The following EIPR1 variants were observed in gnomAD, a reference collection of about 807,000 sequenced individuals.
EIPR1 encodes EARP and GARP complex-interacting protein 1.
In EIPR1, 25 loss-of-function variants were observed where a neutral mutation model predicts 48.1. The observed-to-expected ratio is 0.52, with a 90% CI of 0.38 to 0.73. EIPR1 has a LOEUF of 0.73. EIPR1 is among the 30% of genes least tolerant of loss of function. The probability of loss-of-function intolerance (pLI) is 0.00; values close to 1 mark genes in which losing one functional copy is unlikely to be tolerated. For synonymous variants in EIPR1, 204 were observed against 201.9 expected, an observed-to-expected ratio of 1.01 and a Z score of -0.09; for missense variants, 415 against 506.2, an observed-to-expected ratio of 0.82 and a Z score of 1.73.
rs1273895352 is a variant in EIPR1 at position 3,338,149 on chromosome 2, T to C, written c.127A>G (p.Ile43Val). ...GTQSLKYDNQ[I>V]HIIDFDDENN... ...TCATCGTCAAAATCTATGATATGGA[T>C]CTACAAATACAAGAAAAGAGCACAT... The change falls in exon 3 of 9, where the codon ATC becomes GTC. Residue 43 changes from isoleucine (I) to valine (V), a missense_variant and splice_region_variant. By Grantham distance (29) the Ile-to-Val change is conservative. Coordinates refer to ENST00000382125, the MANE Select transcript of EIPR1 (RefSeq NM_003310.5). 3 of 1,608,834 alleles carry C rather than the reference T, an allele frequency of 1.9e-6. No homozygotes were observed. The highest frequency in any genetic ancestry group is 2.5e-6 in the Non-Finnish European group (3 of 1,178,942).
chr2:3,237,069 G>A lies in EIPR1; in HGVS notation c.416+20230C>T, dbSNP rs376203804. ...CACAGCTCCTCACAAGGCACACAAA[G>A]ACGCACCCAGGGAGGGATTAGACTG... On this transcript the variant is annotated intron_variant, in intron 4 of 8. Coordinates refer to ENST00000382125, the MANE Select transcript of EIPR1 (RefSeq NM_003310.5). Among the ~76,000 whole-genome samples the A allele has an allele frequency of 3.3e-5, 5 of 152,146 alleles. No individual in the cohort carries two copies. In the East Asian group the frequency reaches 5.8e-4, roughly 18 times the overall value.
At chr2:3,269,591 T>TCAC (rs1667631119) in intron 3 of EIPR1, among the ~76,000 whole-genome samples, 1 of 64,348 alleles carries the variant, frequency 1.6e-5, no homozygotes, top group Non-Finnish European at 2.9e-5. Flanking sequence ...CACTCAATCA[T>TCAC]CGCACTCAAT....
chr2:3,356,523 A>G (rs1243336043), intron 1 of EIPR1, among the ~76,000 whole-genome samples: 1 of 152,174 alleles, frequency 6.6e-6, no homozygotes, highest in Non-Finnish European at 1.5e-5. Flanking sequence ...CTGTTTTAGG[A>G]CAAGCATTAA....
intron 4 of EIPR1, among the ~76,000 whole-genome samples, chr2:3,218,706 C>T (rs1488132382): frequency 6.7e-6 from 1 of 150,338 alleles, no homozygotes; most frequent in African/African-American, 2.5e-5. Context: ...CCAACACGGC[C>T]CTGATACGCT....
intron 4 of EIPR1, among the ~76,000 whole-genome samples, chr2:3,254,485 C>T (rs552225720): frequency 8.5e-5 from 13 of 152,294 alleles, no homozygotes; most frequent in South Asian, 8.3e-4. Flanking sequence ...TGGGATATCC[C>T]GCCGCAGCAA....
chr2:3,261,463 C>T (rs749073176), intron 3 of EIPR1, among the ~76,000 whole-genome samples: 4 of 152,312 alleles, frequency 2.6e-5, no homozygotes, highest in South Asian at 2.1e-4. Context: ...AGATTCCCCA[C>T]GGGTTAGGAA....
At chr2:3,355,868 T>C (rs1670712189) in intron 1 of EIPR1, among the ~76,000 whole-genome samples, 1 of 146,262 alleles carries the variant, frequency 6.8e-6, no homozygotes, top group East Asian at 2.0e-4. Context: ...TAGCCAGTCA[T>C]ACAATAAAAC....
chr2:3,196,335 C>T (rs898635033), intron 6 of EIPR1, among the ~76,000 whole-genome samples: 6 of 152,194 alleles, frequency 3.9e-5, no homozygotes, highest in African/African-American at 1.4e-4. Flanking sequence ...CAGCAACAGA[C>T]GTGCTACCAT....
intron 1 of EIPR1, among the ~76,000 whole-genome samples, chr2:3,367,497 C>CT (rs1230473246): frequency 6.6e-6 from 1 of 152,184 alleles, no homozygotes; most frequent in African/African-American, 2.4e-5. Flanking sequence ...TTCCCAAGTG[C>CT]TTTTTATGCA....
At chr2:3,332,166 C>G (rs986185472) in intron 3 of EIPR1, among the ~76,000 whole-genome samples, 4 of 152,242 alleles carry the variant, frequency 2.6e-5, no homozygotes, top group African/African-American at 9.6e-5. Context: ...GAAATAAAAG[C>G]AGCAAAGTTG....
chr2:3,355,578 G>C (rs1264679025), intron 1 of EIPR1, among the ~76,000 whole-genome samples: 1 of 152,164 alleles, frequency 6.6e-6, no homozygotes, highest in Non-Finnish European at 1.5e-5. Context: ...GGAGCCTGAG[G>C]CAGTAAGATC....
intron 4 of EIPR1, among the ~76,000 whole-genome samples, chr2:3,247,028 CG>C (rs1666846535): frequency 3.6e-4 from 2 of 5,596 alleles, no homozygotes; most frequent in African/African-American, 2.2e-3. Flanking sequence ...AGGGAGAGAG[CG>C]AGGGAGGGAG....
chr2:3,253,290 T>A (rs930711053), intron 4 of EIPR1, among the ~76,000 whole-genome samples: 13 of 152,206 alleles, frequency 8.5e-5, no homozygotes, highest in African/African-American at 2.9e-4. Context: ...AACCCATGTA[T>A]TTCTTAAATG....
intron 1 of EIPR1, among the ~76,000 whole-genome samples, chr2:3,367,555 T>C (rs992526857): frequency 1.3e-5 from 2 of 152,170 alleles, no homozygotes; most frequent in Non-Finnish European, 2.9e-5. Context: ...TACACAGATA[T>C]TAACGTGAAA....
At chr2:3,314,163 C>T (rs959315932) in intron 3 of EIPR1, among the ~76,000 whole-genome samples, 1 of 152,214 alleles carries the variant, frequency 6.6e-6, no homozygotes. Context: ...TCTGCGCCAG[C>T]GTGATCTACA....
rs187557936 is a variant in EIPR1 at position 3,370,089 on chromosome 2, G to A, written c.42+7559C>T. Among the ~76,000 whole-genome samples the A allele has an allele frequency of 7.9e-4, 120 of 152,256 alleles. 3 individuals carry two copies. The Middle Eastern group carries it at 0.017, about 22-fold the overall frequency. ...CAACATTCGCGGATCACGAAAATCC[G>A]CGGTTCTGCAGACACCGCTGCTGAT... On this transcript the variant is annotated intron_variant, in intron 1 of 8. Transcript: ENST00000382125.
intron 5 of EIPR1, chr2:3,207,773 G>C (rs1665287889): frequency 6.6e-6 from 1 of 152,210 alleles, no homozygotes; most frequent in South Asian, 2.1e-4. Flanking sequence ...AGCCACTTTT[G>C]TTTTTTAATG....
rs1669891819 is a variant in EIPR1, at chr2:3,331,189, A to AGG, written c.259+6827_259+6828insCC. Among the ~76,000 whole-genome samples, 9 of 93,474 alleles carry AGG rather than the reference A, an allele frequency of 9.6e-5. 1 individual carries two copies. Among genetic ancestry groups the AGG allele is most frequent in the Admixed American group, 8.8e-4 (9 of 10,282 alleles). The allele number at this position is 93,474 out of a possible 152,430, so 61.3% of individuals were successfully genotyped here. On this transcript the variant is annotated intron_variant, in intron 3 of 8. Transcript: ENST00000382125. Reference sequence around the variant, plus strand: ...TGAGCAGAGGCAGGTGTACACTCATATGGTGTGAGCAGAGGCAGGTGTGTA... The same window carrying AGG: ...TGAGCAGAGGCAGGTGTACACTCATAGGTGGTGTGAGCAGAGGCAGGTGTGTA...
chr2:3,362,886 A>G (rs4274629), intron 1 of EIPR1, among the ~76,000 whole-genome samples: 24,582 of 152,082 alleles, frequency 0.16, 2,197 homozygotes, highest in Non-Finnish European at 0.2. Flanking sequence ...TGGAGGGGAC[A>G]ACAGCAACAG....
Sources: allele counts gnomAD v4.1 joint callset (sites outside exome capture counted in the v4.1 genomes callset), GRCh38; gene constraint gnomAD v4.1.1; transcripts MANE v1.5; gene names NCBI Gene and HGNC (gene_info 2026-07-23, HGNC 2026-07-21).